The following FAM13A variants were observed in gnomAD, a reference collection of about 807,000 sequenced individuals.
FAM13A encodes family with sequence similarity 13 member A.
In FAM13A, 76 loss-of-function variants were observed where a neutral mutation model predicts 129.6. The ratio of observed to expected loss-of-function variants is 0.59; its 90% CI spans 0.49 to 0.71. The LOEUF (loss-of-function observed/expected upper bound fraction) is 0.71, where lower values mean the gene tolerates loss of function less well. Ranked by LOEUF, FAM13A falls within the 30% of genes least tolerant of loss-of-function variation. FAM13A has a pLI of 0.00. For missense variants in FAM13A, 1,108 were observed against 1,249.3 expected, an observed-to-expected ratio of 0.89 and a Z score of 1.70; for synonymous variants, 443 against 449.9, an observed-to-expected ratio of 0.98 and a Z score of 0.20.
chr4:88,826,555 TTGAC>T (rs1260750612), intron 7 of FAM13A, among the ~76,000 whole-genome samples: 4 of 152,208 alleles, frequency 2.6e-5, no homozygotes, highest in South Asian at 2.1e-4. Flanking sequence ...TTTATTATCT[TTGAC>T]TGTTCACTGC....
chr4:88,971,413 T>C (rs1760065806), intron 4 of FAM13A, among the ~76,000 whole-genome samples: 2 of 152,190 alleles, frequency 1.3e-5, no homozygotes, highest in Non-Finnish European at 2.9e-5. Flanking sequence ...ATATTTTTAT[T>C]ATTTACTTTT....
intron 3 of FAM13A, among the ~76,000 whole-genome samples, chr4:89,015,597 G>A (rs1166133826): frequency 6.6e-6 from 1 of 152,132 alleles, no homozygotes; most frequent in Non-Finnish European, 1.5e-5. Context: ...TTTATTTCCT[G>A]ATACATCATT....
chr4:88,960,192 C>T (rs1758382796), intron 4 of FAM13A, among the ~76,000 whole-genome samples: 1 of 152,050 alleles, frequency 6.6e-6, no homozygotes, highest in Non-Finnish European at 1.5e-5. Flanking sequence ...CACCTCTTTG[C>T]AATAAACAAA....
intron 4 of FAM13A, among the ~76,000 whole-genome samples, chr4:88,938,815 T>A (rs1352880884): frequency 1.3e-5 from 2 of 152,178 alleles, no homozygotes; most frequent in African/African-American, 4.8e-5. Flanking sequence ...GAATATCCCA[T>A]AAACAAGGTA....
At chr4:89,042,657 A>G (rs996973334) in intron 1 of FAM13A, among the ~76,000 whole-genome samples, 10 of 152,200 alleles carry the variant, frequency 6.6e-5, no homozygotes, top group African/African-American at 2.4e-4. Context: ...GAGGTCTATG[A>G]TCTGAAAAAT....
chr4:88,765,083 C>T (rs115072061), intron 13 of FAM13A, among the ~76,000 whole-genome samples: 1 of 152,326 alleles, frequency 6.6e-6, no homozygotes, highest in African/African-American at 2.4e-5. Flanking sequence ...ACTGGGGTCA[C>T]AGTTGTAACT....
At chr4:88,906,053 C>G (rs1748095009) in intron 6 of FAM13A, among the ~76,000 whole-genome samples, 2 of 152,120 alleles carry the variant, frequency 1.3e-5, no homozygotes, top group Admixed American at 1.3e-4. Context: ...TTTGGGAGGC[C>G]AAGGCAGGCA....
At chr4:88,779,927 C>G (rs1722534322) in intron 11 of FAM13A, among the ~76,000 whole-genome samples, 1 of 152,096 alleles carries the variant, frequency 6.6e-6, no homozygotes, top group South Asian at 2.1e-4. Context: ...TTTCAGTCAC[C>G]AGATAGCTCT....
At chr4:88,744,872 AT>A (rs945610223) in intron 19 of FAM13A, among the ~76,000 whole-genome samples, 2 of 152,116 alleles carry the variant, frequency 1.3e-5, no homozygotes, top group Non-Finnish European at 2.9e-5. Flanking sequence ...TTCCTAGAGC[AT>A]TTGTTCCCCA....
chr4:88,953,383 A>G (rs1464163768), intron 4 of FAM13A, among the ~76,000 whole-genome samples: 1 of 152,106 alleles, frequency 6.6e-6, no homozygotes, highest in Non-Finnish European at 1.5e-5. Context: ...TGAACCCAGA[A>G]GGCGGAGGTT....
intron 6 of FAM13A, among the ~76,000 whole-genome samples, chr4:88,877,038 T>C (rs1235666482): frequency 6.6e-6 from 1 of 152,124 alleles, no homozygotes; most frequent in Non-Finnish European, 1.5e-5. Flanking sequence ...AAATAGAAAA[T>C]ATAAATTGTA....
intron 19 of FAM13A, among the ~76,000 whole-genome samples, chr4:88,743,038 T>C (rs945813506): frequency 3.3e-5 from 5 of 152,222 alleles, no homozygotes; most frequent in African/African-American, 9.6e-5. Context: ...GGGTTATCAT[T>C]AAGATGTATT....
At chr4:88,767,630 ATATC>A in intron 12 of FAM13A, 35 bp from the exon 13 acceptor site, 1 of 1,508,076 alleles carries the variant, frequency 6.6e-7, no homozygotes, top group Non-Finnish European at 9.1e-7. Flanking sequence ...AAATCATAAA[ATATC>A]TACTTGTTTT....
chr4:89,010,768 AG>A (rs1765621804), intron 3 of FAM13A, among the ~76,000 whole-genome samples: 1 of 152,180 alleles, frequency 6.6e-6, no homozygotes, highest in Non-Finnish European at 1.5e-5. Context: ...TACAGACACC[AG>A]GGTCAGGCCA....
At chr4:89,008,657 A>T (rs916477660) in intron 3 of FAM13A, among the ~76,000 whole-genome samples, 1 of 152,284 alleles carries the variant, frequency 6.6e-6, no homozygotes, top group Middle Eastern at 3.4e-3. Flanking sequence ...TTTGGCAAGT[A>T]ACTTGCCCTC....
At chr4:88,878,273 G>A (rs1326675321) in intron 6 of FAM13A, among the ~76,000 whole-genome samples, 3 of 118,270 alleles carry the variant, frequency 2.5e-5, no homozygotes, top group African/African-American at 3.4e-5. Context: ...GGGCGACAGA[G>A]TGAGACTCCA....
At position 88,825,173 on chromosome 4, in the gene FAM13A, T is replaced by C. The variant is rs376122420; in HGVS notation, c.1008-20121A>G. On this transcript the variant is annotated intron_variant, in intron 7 of 23. Coordinates refer to ENST00000264344, the MANE Select transcript of FAM13A (RefSeq NM_014883.4). ...GTCTATTCTGGAACTCGCTGCTATA[T>C]AGAGGAATTGTGGAACCACAGTGCT... Among the ~76,000 whole-genome samples, 18 of 151,732 alleles carry C rather than the reference T, an allele frequency of 1.2e-4. No homozygotes were observed. The East Asian group carries it at 1.9e-3, about 16-fold the overall frequency.
chr4:88,776,655 T>C (rs1382941885), intron 11 of FAM13A, among the ~76,000 whole-genome samples: 1 of 152,144 alleles, frequency 6.6e-6, no homozygotes, highest in Non-Finnish European at 1.5e-5. Flanking sequence ...CAAATTAATA[T>C]ATATGGTTTT....
intron 1 of FAM13A, among the ~76,000 whole-genome samples, chr4:89,047,354 G>A (rs937303754): frequency 1.3e-4 from 19 of 151,886 alleles, no homozygotes; most frequent in African/African-American, 4.6e-4. Flanking sequence ...CTCCAGACAC[G>A]TGTTACTATC....
Sources: allele counts gnomAD v4.1 joint callset (sites outside exome capture counted in the v4.1 genomes callset), GRCh38; gene constraint gnomAD v4.1.1; transcripts MANE v1.5; gene names NCBI Gene and HGNC (gene_info 2026-07-23, HGNC 2026-07-21).